BEAN1: variants seen among roughly 807,000 people sequenced by gnomAD.
BEAN1 encodes the protein brain expressed associated with NEDD4 1.
A neutral mutation model predicts 17.7 loss-of-function variants in BEAN1; 17 were observed. That is an observed-to-expected ratio of 0.96 (90% confidence interval 0.66 to 1.44). The LOEUF (loss-of-function observed/expected upper bound fraction) is 1.44, where lower values mean the gene tolerates loss of function less well. Ranked by LOEUF, BEAN1 falls within the 40% of genes most tolerant of loss-of-function variation. BEAN1 has a pLI of 0.00. For missense variants in BEAN1, 359 were observed against 374.1 expected (o/e 0.96, Z 0.33); for synonymous variants, 142 against 151.8 (o/e 0.94, Z 0.47).
At chr16:66,460,327 A>G (rs1049264688) in intron 2 of BEAN1, among the ~76,000 whole-genome samples, 1 of 152,234 alleles carries the variant, frequency 6.6e-6, no homozygotes, top group Non-Finnish European at 1.5e-5. Flanking sequence ...TGAGAGAAGC[A>G]TGCATGAAAA....
chr16:66,444,565 T>A (rs1373588777), intron 2 of BEAN1, among the ~76,000 whole-genome samples: 1 of 152,194 alleles, frequency 6.6e-6, no homozygotes, highest in Non-Finnish European at 1.5e-5. Context: ...CAGGTCTTTC[T>A]GGGAACTGGG....
chr16:66,485,456 A>G (rs1964075411), downstream of BEAN1: 1 of 304,966 alleles, frequency 3.3e-6, no homozygotes, highest in Non-Finnish European at 6.5e-6. Context: ...AGTAAGCTTC[A>G]TCGTCTGAGG....
At chr16:66,464,497 C>T (rs1191297877) in intron 2 of BEAN1, among the ~76,000 whole-genome samples, 5 of 152,216 alleles carry the variant, frequency 3.3e-5, no homozygotes, top group East Asian at 3.9e-4. Context: ...CCTGGCACCA[C>T]GCCTGGCTAA....
chr16:66,439,868 T>A (rs779006867), intron 2 of BEAN1, among the ~76,000 whole-genome samples: 6 of 152,126 alleles, frequency 3.9e-5, no homozygotes, highest in Non-Finnish European at 7.4e-5. Context: ...CCAAGCCCAG[T>A]GGATTCCAGG....
chr16:66,433,282 T>C (rs1235180176), intron 1 of BEAN1, among the ~76,000 whole-genome samples: 1 of 152,074 alleles, frequency 6.6e-6, no homozygotes, highest in African/African-American at 2.4e-5. Flanking sequence ...CTAATTTTTT[T>C]GTATTTTTAG....
At chr16:66,468,874 G>A (rs187658249) in intron 2 of BEAN1, among the ~76,000 whole-genome samples, 6 of 152,136 alleles carry the variant, frequency 3.9e-5, no homozygotes, top group Admixed American at 1.3e-4. Context: ...GCTTCTTTCC[G>A]TAGGACTCTC....
chr16:66,436,058 C>G (rs1178007921), intron 1 of BEAN1, among the ~76,000 whole-genome samples: 5 of 152,164 alleles, frequency 3.3e-5, no homozygotes, highest in African/African-American at 1.2e-4. Context: ...GCCAGCTATG[C>G]CCTGCAAAAG....
intron 2 of BEAN1, among the ~76,000 whole-genome samples, chr16:66,438,404 A>G (rs1284748920): frequency 1.3e-5 from 2 of 151,940 alleles, no homozygotes; most frequent in African/African-American, 2.4e-5. Flanking sequence ...TAATAATAAC[A>G]TGGTGATGTG....
chr16:66,488,299 T>C (rs948978448), intron 4 of BEAN1, among the ~76,000 whole-genome samples: 3 of 152,134 alleles, frequency 2.0e-5, no homozygotes, highest in African/African-American at 7.2e-5. Flanking sequence ...AAGGCCATTC[T>C]AGGCCTCTCC....
intron 2 of BEAN1, among the ~76,000 whole-genome samples, chr16:66,448,815 T>G (rs1279230435): frequency 6.6e-6 from 1 of 151,494 alleles, no homozygotes; most frequent in Non-Finnish European, 1.5e-5. Flanking sequence ...AGACTCTGTC[T>G]CAAAAAAAAG....
intron 1 of BEAN1, among the ~76,000 whole-genome samples, chr16:66,433,817 G>A (rs995524585): frequency 2.0e-5 from 3 of 152,160 alleles, no homozygotes; most frequent in African/African-American, 4.8e-5. Context: ...TCTGTCTGCC[G>A]CCCATGGTGT....
At chr16:66,477,381 G>C (rs999657279) in intron 3 of BEAN1, among the ~76,000 whole-genome samples, 179 bp from the exon 4 acceptor site, 1 of 152,308 alleles carries the variant, frequency 6.6e-6, no homozygotes, top group Admixed American at 6.5e-5. Flanking sequence ...TGCCCAACAC[G>C]ACAATGGCAC....
downstream of BEAN1, chr16:66,493,542 T>C (rs1964206841): frequency 1.0e-5 from 6 of 579,382 alleles, no homozygotes; most frequent in Non-Finnish European, 1.8e-5. Context: ...CCCAAGGACA[T>C]TTTCCTGAGA....
intron 2 of BEAN1, among the ~76,000 whole-genome samples, chr16:66,454,825 C>G (rs1248549072): frequency 7.6e-6 from 1 of 131,778 alleles, no homozygotes; most frequent in Admixed American, 9.1e-5. Flanking sequence ...GACAAAGAAA[C>G]AAGAAAGTGT....
At position 66,473,550 on chromosome 16, in the gene BEAN1, C is replaced by T. The variant is rs537038616; in HGVS notation, c.289+3685C>T. Among the ~76,000 whole-genome samples, 7 of 151,856 alleles carry T rather than the reference C, an allele frequency of 4.6e-5. No homozygotes were observed. The highest frequency in any genetic ancestry group is 1.3e-4 in the Admixed American group (2 of 15,274). ...CTGTGGGAGAACATGAAAGCGGCAC[C>T]ACCAGGCGCGGTGCCTCACACCTAT... On this transcript the variant is annotated intron_variant, in intron 3 of 4. Transcript: ENST00000536005. This position sits in a 1 kb window ranked among gnomAD's most constrained non-coding sequence, Gnocchi z 4.5.
chr16:66,484,300 C>G, downstream of BEAN1: 1 of 330,744 alleles, frequency 3.0e-6, no homozygotes, highest in South Asian at 2.5e-5. This position sits in a 1 kb window ranked among gnomAD's most constrained non-coding sequence, Gnocchi z 4.2. Flanking sequence ...TGGTGTCCAG[C>G]CATGTGCTGC....
chr16:66,489,172 CA>C (rs1051623795), intron 4 of BEAN1, among the ~76,000 whole-genome samples: 2 of 126,188 alleles, frequency 1.6e-5, no homozygotes, highest in Non-Finnish European at 3.1e-5. Context: ...AACTCCATCT[CA>C]AAAAAAAACA....
At chr16:66,483,135 C>A (rs544650575), downstream of BEAN1, 9 of 257,422 alleles carry the variant, frequency 3.5e-5, no homozygotes, top group South Asian at 3.3e-4. Flanking sequence ...AGGGTTTATA[C>A]CTTCTGAAAC....
Position 66,469,831 on chromosome 16 carries a change from C to G in BEAN1, c.255C>G (p.Arg85=). The change falls in exon 3 of 5, where the codon CGC becomes CGG. Residue 85 remains arginine, a synonymous_variant. Coordinates refer to ENST00000536005, the MANE Select transcript of BEAN1 (RefSeq NM_001178020.3). The stretch of plus-strand genomic sequence containing the variant: ...ACCACCACCACCATCATCACCACCG[C>G]CGGCGTCGACACCGAGAGTACGAGC... ...HRHHHHHHHH[R]RRRHREYEHG... 3.3e-6 allele frequency: 5 copies of G among 1,508,210 alleles called. No homozygotes were observed. In the South Asian group the frequency reaches 6.1e-5, roughly 18 times the overall value. 93.4% of individuals were successfully genotyped at this position (1,508,210 alleles called of 1,614,324 possible).
Sources: allele counts gnomAD v4.1 joint callset (sites outside exome capture counted in the v4.1 genomes callset), GRCh38; gene constraint gnomAD v4.1.1; non-coding constraint Gnocchi (gnomAD v3.1); transcripts MANE v1.5; gene names NCBI Gene and HGNC (gene_info 2026-07-23, HGNC 2026-07-21).